The following BTBD9 variants were observed in gnomAD, a reference collection of about 807,000 sequenced individuals.
BTBD9 encodes BTB domain containing 9, also known as BTB/POZ domain-containing protein 9.
BTBD9 carries 49 observed loss-of-function variants against 64.3 expected under a neutral mutation model. That is an observed-to-expected ratio of 0.76 (90% CI 0.61 to 0.97). BTBD9 has a LOEUF of 0.97. Ranked by LOEUF, BTBD9 falls within the 50% of genes least tolerant of loss-of-function variation. BTBD9 has a pLI of 0.00. For missense variants in BTBD9, 598 were observed against 762.1 expected, an observed-to-expected ratio of 0.78 and a Z score of 2.53; for synonymous variants, 260 against 274.7, an observed-to-expected ratio of 0.95 and a Z score of 0.53.
intron 6 of BTBD9, among the ~76,000 whole-genome samples, chr6:38,551,484 A>G (rs1774800142): frequency 6.6e-6 from 1 of 152,174 alleles, no homozygotes. Flanking sequence ...CATTGTTTTA[A>G]TCCCTTTATA....
intron 6 of BTBD9, among the ~76,000 whole-genome samples, chr6:38,451,480 A>G (rs1769541459): frequency 6.6e-6 from 1 of 152,168 alleles, no homozygotes; most frequent in African/African-American, 2.4e-5. Context: ...TTTTACAAAC[A>G]GTTGTCTCAG....
intron 1 of BTBD9, among the ~76,000 whole-genome samples, chr6:38,630,135 CAG>C (rs1778312204): frequency 7.0e-6 from 1 of 143,528 alleles, no homozygotes; most frequent in Non-Finnish European, 1.5e-5. Flanking sequence ...TCCCGGAAGA[CAG>C]AGGTTGCAGT....
chr6:38,369,245 T>A (rs1765317008), intron 6 of BTBD9, among the ~76,000 whole-genome samples: 1 of 152,166 alleles, frequency 6.6e-6, no homozygotes, highest in African/African-American at 2.4e-5. Flanking sequence ...ATCAAATCCA[T>A]TCTTCAAACT....
At chr6:38,233,085 G>A (rs1763665935) in intron 9 of BTBD9, among the ~76,000 whole-genome samples, 1 of 152,186 alleles carries the variant, frequency 6.6e-6, no homozygotes. Flanking sequence ...AGGATAGTGA[G>A]CAAGAATTTG....
intron 6 of BTBD9, among the ~76,000 whole-genome samples, chr6:38,372,159 G>A (rs1468083767): frequency 6.6e-6 from 1 of 152,110 alleles, no homozygotes; most frequent in Non-Finnish European, 1.5e-5. Flanking sequence ...CAATGTCTTT[G>A]GGCCTTGAAT....
At chr6:38,365,917 A>T (rs149665141) in intron 6 of BTBD9, among the ~76,000 whole-genome samples, 3 of 152,380 alleles carry the variant, frequency 2.0e-5, no homozygotes, top group Non-Finnish European at 2.9e-5. Context: ...CTCACAAAGT[A>T]GACAACTGCT....
intron 1 of BTBD9, among the ~76,000 whole-genome samples, chr6:38,617,442 G>A (rs894300265): frequency 6.6e-6 from 1 of 152,108 alleles, no homozygotes; most frequent in Non-Finnish European, 1.5e-5. Context: ...TGTCCCCGAT[G>A]CTCTTCTAGT....
At chr6:38,554,909 C>T (rs1011252854) in intron 6 of BTBD9, among the ~76,000 whole-genome samples, 8 of 152,148 alleles carry the variant, frequency 5.3e-5, no homozygotes, top group Non-Finnish European at 8.8e-5. Flanking sequence ...GTTACAAACA[C>T]GTTTTCCTTT....
intron 6 of BTBD9, among the ~76,000 whole-genome samples, chr6:38,353,171 T>C (rs752959860): frequency 6.6e-6 from 1 of 152,220 alleles, no homozygotes; most frequent in African/African-American, 2.4e-5. Flanking sequence ...GGTGTAAACA[T>C]AGTACACCTA....
intron 9 of BTBD9, among the ~76,000 whole-genome samples, chr6:38,215,501 T>C (rs1762984193): frequency 6.6e-6 from 1 of 152,200 alleles, no homozygotes; most frequent in African/African-American, 2.4e-5. Flanking sequence ...ATGAAGGCCC[T>C]GTTAGCGCTG....
intron 8 of BTBD9, among the ~76,000 whole-genome samples, chr6:38,287,107 T>C (rs12201930): frequency 1.5e-3 from 86 of 57,530 alleles, no homozygotes; most frequent in African/African-American, 1.9e-3. Context: ...AAAAAAAAAA[T>C]ATACACACAC....
At chr6:38,455,022 C>T (rs1192437686) in intron 6 of BTBD9, among the ~76,000 whole-genome samples, 2 of 151,990 alleles carry the variant, frequency 1.3e-5, no homozygotes, top group Non-Finnish European at 2.9e-5. Context: ...TGTTGGCCTT[C>T]CAGCACAACA....
chr6:38,303,842 T>G (rs1410578780), intron 7 of BTBD9, among the ~76,000 whole-genome samples: 1 of 45,384 alleles, frequency 2.2e-5, no homozygotes, highest in South Asian at 8.3e-4. Flanking sequence ...AGTTGCTAGA[T>G]ATATATATAT....
intron 8 of BTBD9, among the ~76,000 whole-genome samples, chr6:38,271,785 A>G (rs187965086): frequency 3.7e-4 from 57 of 152,172 alleles, no homozygotes; most frequent in Non-Finnish European, 4.9e-4. Context: ...CTTAGCCTAG[A>G]AATGTCTAAA....
chr6:38,515,086 A>C (rs1217430398), intron 6 of BTBD9, among the ~76,000 whole-genome samples: 11 of 151,326 alleles, frequency 7.3e-5, no homozygotes, highest in Admixed American at 6.6e-4. Flanking sequence ...TGTGCCTGGA[A>C]AAAAAAAAGG....
At chr6:38,448,847 G>T (rs1769392971) in intron 6 of BTBD9, among the ~76,000 whole-genome samples, 1 of 152,162 alleles carries the variant, frequency 6.6e-6, no homozygotes, top group African/African-American at 2.4e-5. Context: ...CTTAATAAAG[G>T]TTATTCCATT....
intron 1 of BTBD9, among the ~76,000 whole-genome samples, chr6:38,617,830 G>A (rs1349877951): frequency 2.0e-5 from 3 of 152,136 alleles, no homozygotes; most frequent in South Asian, 4.2e-4. Flanking sequence ...GCACCAACAG[G>A]AGAAAACACT....
intron 6 of BTBD9, among the ~76,000 whole-genome samples, chr6:38,468,813 A>G (rs192690382): frequency 3.3e-5 from 5 of 152,300 alleles, no homozygotes; most frequent in African/African-American, 9.6e-5. Flanking sequence ...TCTTAATAAA[A>G]TAACATTTAC....
In BTBD9 at chr6:38,369,261, C is replaced by T. The variant is rs77718500; in HGVS notation, c.1155-24168G>A. Among the ~76,000 whole-genome samples, 156 of 152,286 alleles carry T rather than the reference C, an allele frequency of 1.0e-3. 4 individuals are homozygous for T. The East Asian group carries it at 0.017, about 16-fold the overall frequency. On this transcript the variant is annotated intron_variant, in intron 6 of 10. Coordinates refer to ENST00000481247, the MANE Select transcript of BTBD9 (RefSeq NM_001099272.2). The stretch of plus-strand genomic sequence containing the variant: ...TCAAATCCATTCTTCAAACTTCTCC[C>T]TAAGGAAGCTTCTGAGAATACAAAA...
Sources: gnomAD v4.1 joint callset for allele counts (sites outside exome capture counted in the v4.1 genomes callset) on GRCh38, gnomAD v4.1.1 for gene constraint, MANE v1.5 for transcripts, NCBI Gene and HGNC (gene_info 2026-07-23, HGNC 2026-07-21) for gene names.